PPARG: variants seen among roughly 807,000 people sequenced by gnomAD.
PPARG encodes the protein peroxisome proliferator activated receptor gamma.
PPARG carries 17 observed loss-of-function variants against 39.2 expected under a neutral mutation model. The ratio of observed to expected loss-of-function variants is 0.43; its 90% CI spans 0.30 to 0.65. The LOEUF is 0.65. Among genes scored for constraint, PPARG ranks in the 30% least tolerant of loss-of-function variants. The pLI, the probability that PPARG is intolerant of heterozygous loss-of-function variation, is 0.13. For synonymous variants in PPARG, 223 were observed against 215.7 expected (o/e 1.03, Z -0.30); for missense variants, 406 against 585.9 (o/e 0.69, Z 3.17).
chr3:12,331,492 G>T (rs574630000), intron 2 of PPARG, among the ~76,000 whole-genome samples: 1 of 152,290 alleles, frequency 6.6e-6, no homozygotes, highest in South Asian at 2.1e-4. Context: ...GTTATTCAGG[G>T]TTTAAGACAA....
intron 7 of PPARG, among the ~76,000 whole-genome samples, chr3:12,426,259 TAAC>T (rs1341824161): frequency 1.3e-5 from 2 of 152,228 alleles, no homozygotes; most frequent in Non-Finnish European, 2.9e-5. Flanking sequence ...GTCAGAATGT[TAAC>T]CCACTTCAGA....
At chr3:12,317,245 G>A (rs1050324339) in intron 2 of PPARG, among the ~76,000 whole-genome samples, 6 of 152,158 alleles carry the variant, frequency 3.9e-5, no homozygotes, top group East Asian at 3.8e-4. Flanking sequence ...GATTAGGAAC[G>A]AAGACAAATT....
At chr3:12,419,592 C>G (rs1218041270) in intron 7 of PPARG, among the ~76,000 whole-genome samples, 1 of 151,926 alleles carries the variant, frequency 6.6e-6, no homozygotes, top group African/African-American at 2.4e-5. Context: ...CCTCAGCCTC[C>G]CTAGTAGCTG....
At chr3:12,355,382 C>T (rs535930922) in intron 2 of PPARG, among the ~76,000 whole-genome samples, 5 of 152,248 alleles carry the variant, frequency 3.3e-5, no homozygotes, top group Admixed American at 2.6e-4. Flanking sequence ...GGAATTCTCC[C>T]GCCTCGACCT....
At chr3:12,299,283 C>G (rs894476171) in intron 1 of PPARG, among the ~76,000 whole-genome samples, 6 of 152,140 alleles carry the variant, frequency 3.9e-5, no homozygotes, top group African/African-American at 1.2e-4. Context: ...CTAGATTTAA[C>G]GAGAACATTT....
intron 5 of PPARG, among the ~76,000 whole-genome samples, chr3:12,399,960 C>T (rs2050413155): frequency 2.0e-5 from 3 of 149,294 alleles, no homozygotes; most frequent in Non-Finnish European, 3.0e-5. Context: ...CTCCCACCTG[C>T]GTGATCGAGA....
chr3:12,332,013 A>T (rs1157891115), intron 2 of PPARG, among the ~76,000 whole-genome samples: 2 of 152,240 alleles, frequency 1.3e-5, no homozygotes, highest in African/African-American at 4.8e-5. Flanking sequence ...TAATATATCC[A>T]TAGTGCTTGA....
chr3:12,419,506 G>A (rs901159243), intron 7 of PPARG, among the ~76,000 whole-genome samples: 3 of 151,676 alleles, frequency 2.0e-5, no homozygotes, highest in East Asian at 3.9e-4. Flanking sequence ...ATGGAGTCTC[G>A]TTCTGTCTTG....
intron 2 of PPARG, among the ~76,000 whole-genome samples, chr3:12,378,854 T>C (rs1342346389): frequency 6.6e-6 from 1 of 152,204 alleles, no homozygotes; most frequent in Admixed American, 6.5e-5. Context: ...ACTACACATA[T>C]TCATACTCAA....
chr3:12,368,183 CTTTTTTG>C (rs1387048286), intron 2 of PPARG, among the ~76,000 whole-genome samples: 1 of 133,468 alleles, frequency 7.5e-6, no homozygotes, highest in East Asian at 2.1e-4. Context: ...TTTTCTTTTT[CTTTTTTG>C]TTTTTTTTTC....
At chr3:12,331,491 G>A (rs2047858069) in intron 2 of PPARG, among the ~76,000 whole-genome samples, 1 of 152,104 alleles carries the variant, frequency 6.6e-6, no homozygotes, top group South Asian at 2.1e-4. Context: ...GGTTATTCAG[G>A]GTTTAAGACA....
chr3:12,320,530 T>C (rs1035869331), intron 2 of PPARG, among the ~76,000 whole-genome samples: 6 of 152,212 alleles, frequency 3.9e-5, no homozygotes, highest in African/African-American at 1.4e-4. Context: ...ATAACTATAT[T>C]ACTATAAGAA....
chr3:12,290,695 TTTC>T (rs1407454282), intron 1 of PPARG, among the ~76,000 whole-genome samples: 4 of 152,194 alleles, frequency 2.6e-5, no homozygotes. Flanking sequence ...CAAATACTTT[TTTC>T]TTCTGTAATT....
intron 2 of PPARG, among the ~76,000 whole-genome samples, chr3:12,363,610 T>C (rs558537660): frequency 3.3e-5 from 5 of 152,334 alleles, no homozygotes; most frequent in Admixed American, 2.6e-4. Context: ...ACCCCATCTG[T>C]CTTTTCCCAT....
chr3:12,380,296 C>G (rs1379753012), intron 3 of PPARG, among the ~76,000 whole-genome samples: 2 of 152,188 alleles, frequency 1.3e-5, no homozygotes, highest in African/African-American at 4.8e-5. Context: ...AGTAACAATT[C>G]CAAGTCACTT....
chr3:12,343,500 G>T (rs1014632801), intron 2 of PPARG, among the ~76,000 whole-genome samples: 4 of 152,104 alleles, frequency 2.6e-5, no homozygotes, highest in Non-Finnish European at 4.4e-5. Flanking sequence ...CTGTAAAATG[G>T]TGATAATAAA....
chr3:12,419,889 T>C (rs563275803), intron 7 of PPARG, among the ~76,000 whole-genome samples: 61 of 152,338 alleles, frequency 4.0e-4, no homozygotes, highest in South Asian at 1.2e-3. Context: ...TCTTTTCACT[T>C]AGTCAATTTC....
chr3:12,329,687 A>G (rs2047795464), intron 2 of PPARG, among the ~76,000 whole-genome samples: 1 of 152,172 alleles, frequency 6.6e-6, no homozygotes. Flanking sequence ...GTACATTGGT[A>G]CAGTGGCATT....
chr3:12,358,516 A>G (rs571596695), intron 2 of PPARG, among the ~76,000 whole-genome samples: 1 of 152,338 alleles, frequency 6.6e-6, no homozygotes, highest in East Asian at 1.9e-4. Context: ...TGCATTAGCA[A>G]TAAAGTATGC....
Sources: allele counts gnomAD v4.1 joint callset (sites outside exome capture counted in the v4.1 genomes callset), GRCh38; gene constraint gnomAD v4.1.1; transcripts MANE v1.5; gene names NCBI Gene and HGNC (gene_info 2026-07-23, HGNC 2026-07-21).